The following RABEPK variants were observed in gnomAD, a reference collection of about 807,000 sequenced individuals.
The protein encoded by RABEPK is 40 kDa Rab9 effector protein.
In RABEPK, 27 loss-of-function variants were observed where a neutral mutation model predicts 34.1. The observed-to-expected ratio is 0.79, with a 90% CI of 0.58 to 1.09. RABEPK has a LOEUF of 1.09. RABEPK is among the 50% of genes least tolerant of loss of function. The pLI, the probability that RABEPK is intolerant of heterozygous loss-of-function variation, is 0.00. For missense variants in RABEPK, 449 were observed against 462.6 expected, an observed-to-expected ratio of 0.97 and a Z score of 0.27; for synonymous variants, 172 against 169.2, an observed-to-expected ratio of 1.02 and a Z score of -0.13.
chr9:125,207,918 A>G (rs1432851730), intron 3 of RABEPK, among the ~76,000 whole-genome samples, 197 bp downstream of exon 3: 1 of 152,196 alleles, frequency 6.6e-6, no homozygotes, highest in Non-Finnish European at 1.5e-5. Context: ...CTGAGGTTAG[A>G]GTTCGAGACC....
chr9:125,207,764 A>G, intron 3 of RABEPK, 43 bp downstream of exon 3: 1 of 1,607,206 alleles, frequency 6.2e-7, no homozygotes, highest in Admixed American at 1.7e-5. Flanking sequence ...TGGCCAGAGA[A>G]CAGGGCTGTG....
intron 2 of RABEPK, among the ~76,000 whole-genome samples, chr9:125,205,485 G>A (rs1369295106): frequency 6.6e-6 from 1 of 152,004 alleles, no homozygotes; most frequent in Non-Finnish European, 1.5e-5. Context: ...TATCCTCAAA[G>A]CGTTTTTTTA....
At chr9:125,226,596 T>A (rs2131423074) in intron 5 of RABEPK, among the ~76,000 whole-genome samples, 1 of 151,846 alleles carries the variant, frequency 6.6e-6, no homozygotes, top group African/African-American at 2.4e-5. Flanking sequence ...CCGGGCACGG[T>A]GGCTCACGTC....
At chr9:125,229,022 G>A (rs1338273644) in intron 6 of RABEPK, among the ~76,000 whole-genome samples, 1 of 151,690 alleles carries the variant, frequency 6.6e-6, no homozygotes, top group Non-Finnish European at 1.5e-5. Context: ...GGGAGGCCAA[G>A]GCAGGTGGAT....
chr9:125,223,822 C>G (rs1333696914), intron 5 of RABEPK, among the ~76,000 whole-genome samples: 1 of 151,830 alleles, frequency 6.6e-6, no homozygotes, highest in South Asian at 2.1e-4. Flanking sequence ...ACTGGGGACT[C>G]CTTGAACAAC....
chr9:125,210,358 C>A (rs866362599), intron 3 of RABEPK, among the ~76,000 whole-genome samples: 1 of 140,768 alleles, frequency 7.1e-6, no homozygotes, highest in Admixed American at 7.7e-5. Context: ...GAGTGGAGAT[C>A]GTGCCACTGC....
rs535342507 is a variant in RABEPK at position 125,206,319 on chromosome 9, G to A, written c.54-1245G>A. On this transcript the variant is annotated intron_variant, in intron 2 of 7. Transcript: ENST00000373538. ...GGAGTTCAAGGCTGGCCAACATAGT[G>A]AAACCCCATCTCTACTAAAAATACA... 3.9e-5 allele frequency among the ~76,000 whole-genome samples: 6 copies of A among 152,168 alleles called. No homozygotes were observed. In the South Asian group the frequency reaches 1.2e-3, roughly 32 times the overall value.
chr9:125,222,661 C>G (rs1479655622), intron 5 of RABEPK, among the ~76,000 whole-genome samples: 1 of 146,798 alleles, frequency 6.8e-6, no homozygotes, highest in Non-Finnish European at 1.5e-5. Context: ...TTGCAATGAG[C>G]CGAGATCTTG....
chr9:125,204,308 G>A (rs928767137), intron 2 of RABEPK, among the ~76,000 whole-genome samples: 3 of 151,354 alleles, frequency 2.0e-5, no homozygotes, highest in African/African-American at 4.9e-5. Flanking sequence ...CTGACCGGGC[G>A]CAATAGCTCA....
chr9:125,223,172 C>T (rs1831477312), intron 5 of RABEPK, among the ~76,000 whole-genome samples: 1 of 152,018 alleles, frequency 6.6e-6, no homozygotes, highest in African/African-American at 2.4e-5. Flanking sequence ...CCCAGCTACT[C>T]AGGAGGCTGA....
At chr9:125,201,914 G>A (rs1018377092) in intron 1 of RABEPK, among the ~76,000 whole-genome samples, 1 of 142,680 alleles carries the variant, frequency 7.0e-6, no homozygotes, top group South Asian at 2.6e-4. Flanking sequence ...TCCCAGCCCC[G>A]TTTCTATTTT....
rs375403958 is a variant in RABEPK at position 125,220,677 on chromosome 9, C to G, written c.503C>G (p.Thr168Arg). 2.5e-6 allele frequency: 4 copies of G among 1,614,106 alleles called. No homozygotes were observed. Among genetic ancestry groups the G allele is most frequent in the Non-Finnish European group, 3.4e-6 (4 of 1,180,010 alleles). The stretch of plus-strand genomic sequence containing the variant: ...AGAGGTGCCCAGCCCGTGCAGGACA[C>G]GAAGCTGCATGTGTTTGACGCAAGT... ...GERGAQPVQD[T>R]KLHVFDANTL... The change falls in exon 5 of 8, where the codon ACG (threonine) becomes AGG (arginine). Residue 168 changes from threonine to arginine, a missense_variant. Thr to Arg is a moderately conservative substitution (Grantham distance 71, BLOSUM62 -1). Coordinates refer to ENST00000373538, the MANE Select transcript of RABEPK (RefSeq NM_005833.4).
At chr9:125,228,184 C>T (rs1200254064) in intron 6 of RABEPK, 125 bp downstream of exon 6, 1 of 801,400 alleles carries the variant, frequency 1.2e-6, no homozygotes, top group East Asian at 3.4e-5. Flanking sequence ...TAGCCTCAGC[C>T]TCCAGGACTC....
intron 3 of RABEPK, 119 bp downstream of exon 3, chr9:125,207,840 C>G (rs1830330012): frequency 8.1e-7 from 1 of 1,236,988 alleles, no homozygotes; most frequent in Non-Finnish European, 1.1e-6. Flanking sequence ...GAAAACATGG[C>G]CAGGACCAGG....
chr9:125,207,765 C>T (rs1206398641), intron 3 of RABEPK, 44 bp downstream of exon 3: 1 of 1,604,716 alleles, frequency 6.2e-7, no homozygotes, highest in Non-Finnish European at 8.5e-7. Context: ...GGCCAGAGAA[C>T]AGGGCTGTGT....
intron 4 of RABEPK, among the ~76,000 whole-genome samples, chr9:125,216,521 A>G (rs764140850): frequency 3.9e-5 from 6 of 151,984 alleles, no homozygotes; most frequent in Non-Finnish European, 1.5e-5. Context: ...TTTAGACAGT[A>G]TGTTATCTTT....
chr9:125,202,885 C>T, intron 1 of RABEPK, 123 bp from the exon 2 acceptor site: 1 of 483,752 alleles, frequency 2.1e-6, no homozygotes, highest in Non-Finnish European at 3.7e-6. Flanking sequence ...GTTGGTGATT[C>T]TTATTCAAAT....
intron 5 of RABEPK, among the ~76,000 whole-genome samples, chr9:125,227,307 A>T (rs905191797): frequency 1.3e-5 from 2 of 152,050 alleles, no homozygotes; most frequent in Non-Finnish European, 2.9e-5. Context: ...TAAAGAGGAG[A>T]TCGTTTTTAT....
At chr9:125,211,538 CTAA>C (rs1267765436) in intron 3 of RABEPK, among the ~76,000 whole-genome samples, 14 of 152,110 alleles carry the variant, frequency 9.2e-5, no homozygotes, top group African/African-American at 3.1e-4. Context: ...GTTGGAAAAT[CTAA>C]TGTCAGTAGG....
Sources: allele counts gnomAD v4.1 joint callset (sites outside exome capture counted in the v4.1 genomes callset), GRCh38; gene constraint gnomAD v4.1.1; transcripts MANE v1.5; gene names NCBI Gene and HGNC (gene_info 2026-07-23, HGNC 2026-07-21).